The following INHBA variants were observed in gnomAD, a reference collection of about 807,000 sequenced individuals.
INHBA encodes inhibin subunit beta A, also known as inhibin beta A chain.
Under a neutral mutation model 29.0 loss-of-function variants are expected in INHBA, and 1 was observed. That is an observed-to-expected ratio of 0.03 (90% CI 0.01 to 0.16). The LOEUF (loss-of-function observed/expected upper bound fraction) is 0.16. INHBA is among the 10% of genes least tolerant of loss of function. INHBA has a pLI of 1.00. For synonymous variants in INHBA, 242 were observed against 216.8 expected (o/e 1.12, Z -1.02); for missense variants, 376 against 545.4 (o/e 0.69, Z 3.09).
intron 2 of INHBA, among the ~76,000 whole-genome samples, chr7:41,697,143 A>G (rs1794667319): frequency 6.6e-6 from 1 of 152,190 alleles, no homozygotes; most frequent in African/African-American, 2.4e-5. Context: ...ATTTATAGTG[A>G]TAGCTTGGCT....
upstream of INHBA, among the ~76,000 whole-genome samples, chr7:41,704,089 G>A (rs544967613): frequency 3.0e-4 from 46 of 152,134 alleles, no homozygotes; most frequent in Non-Finnish European, 5.3e-4. Context: ...GCAAAATTGG[G>A]AGCTAATGAG....
chr7:41,685,873 A>C lies in INHBA; in HGVS notation c.*3777T>G, dbSNP rs1157592908. On this transcript the variant is annotated 3_prime_UTR_variant, in exon 3 of 3. Transcript: ENST00000242208. ...ACCCCCAAACCTTCTGCCCACATCT[A>C]CAAGTTTTATTTATTTTGTGGGTTT... The C allele has an allele frequency of 3.3e-5, 5 of 152,232 alleles. No individual in the cohort carries two copies. In the East Asian group the frequency reaches 9.6e-4, roughly 29 times the overall value. 9.4% of individuals were successfully genotyped at this position (152,232 alleles called of 1,614,324 possible).
At position 41,689,881 on chromosome 7, in the gene INHBA, G is replaced by A. The variant is rs1562565534; in HGVS notation, c.1050C>T (p.Cys350=). 6 of 1,613,972 alleles carry A rather than the reference G, an allele frequency of 3.7e-6. No homozygotes were observed. The highest frequency in any genetic ancestry group is 3.4e-6 in the Non-Finnish European group (4 of 1,180,010). Residue 350 remains cysteine (C), a synonymous_variant, in exon 3 of 3, where the codon TGC becomes TGT. Transcript: ENST00000242208. The part of the protein sequence containing the change: ...IAPSGYHANY[C]EGECPSHIAG... ...CTATATGGCTCGGGCACTCACCCTC[G>A]CAGTAGTTGGCATGATAGCCAGAGG...
In INHBA at chr7:41,689,102, CTGTGTGTGTGTGTG is replaced by C. The variant is rs56919042; in HGVS notation, c.*534_*547del. 4.0e-5 allele frequency: 9 copies of C among 224,840 alleles called. No individual in the cohort carries two copies. The highest frequency in any genetic ancestry group is 1.9e-4 in the South Asian group (1 of 5,148). The allele number at this position is 224,840 out of a possible 1,614,324, so 13.9% of individuals were successfully genotyped here. The stretch of plus-strand genomic sequence containing the variant: ...GTATATATGTAATGTGTGGAAATGC[CTGTGTGTGTGTGTG>C]TGTGTGTGTGTGTGTGTGTGTATGC... On this transcript the variant is annotated 3_prime_UTR_variant, in exon 3 of 3. Transcript: ENST00000242208.
In INHBA at chr7:41,697,462, T is replaced by C. The variant is rs1466395145; in HGVS notation, c.388+2525A>G. The stretch of plus-strand genomic sequence containing the variant: ...AGCACTTCAGCTTTTGGAGGCTCTC[T>C]ACTTCTGTAGCCAGGCCTTGGCTTT... On this transcript the variant is annotated intron_variant, in intron 2 of 2. Transcript: ENST00000242208. Among the ~76,000 whole-genome samples, 12 of 152,170 alleles carry C rather than the reference T, an allele frequency of 7.9e-5. No homozygotes were observed. The East Asian group carries it at 1.2e-3, about 15-fold the overall frequency.
intron 2 of INHBA, among the ~76,000 whole-genome samples, chr7:41,690,858 C>G (rs960139129): frequency 6.6e-5 from 10 of 152,230 alleles, no homozygotes; most frequent in African/African-American, 2.2e-4. Context: ...CTGCCTATGG[C>G]TGTTTTTGCA....
Position 41,686,451 on chromosome 7 carries a change from A to G in INHBA, c.*3199T>C, listed in dbSNP as rs1794395213. On this transcript the variant is annotated 3_prime_UTR_variant, in exon 3 of 3. Transcript: ENST00000242208. ...CTAAGAATCCCATATGTTATAATTT[A>G]AAGCCTTTACTTTTGGCCTCATGCT... is the stretch of plus-strand genomic sequence containing the variant. 6.6e-6 allele frequency: 1 copy of G among 152,144 alleles called. No homozygotes were observed. Among genetic ancestry groups the G allele is most frequent in the South Asian group, 2.1e-4 (1 of 4,836 alleles). The allele number at this position is 152,144 out of a possible 1,614,324, so 9.4% of individuals were successfully genotyped here.
At position 41,686,045 on chromosome 7, in the gene INHBA, CT is replaced by C. The variant is rs1312004335; in HGVS notation, c.*3604del. 2.0e-5 allele frequency: 3 copies of C among 151,756 alleles called. No homozygotes were observed. Among genetic ancestry groups the C allele is most frequent in the Non-Finnish European group, 4.4e-5 (3 of 67,924 alleles). 9.4% of individuals were successfully genotyped at this position (151,756 alleles called of 1,614,324 possible). ...GTTCTCTGTTTTTTTAGAGTCACCT[CT>C]TAAAGTCCAATCCCACAATGGTGAA... On this transcript the variant is annotated 3_prime_UTR_variant, in exon 3 of 3. Coordinates refer to ENST00000242208, the MANE Select transcript of INHBA (RefSeq NM_002192.4).
chr7:41,692,591 T>C (rs1794547439), intron 2 of INHBA: 1 of 152,398 alleles, frequency 6.6e-6, no homozygotes, highest in Non-Finnish European at 1.5e-5. Context: ...CTTACGAGGA[T>C]GCTGGCCATG....
chr7:41,699,832 G>A (rs1436644362), intron 2 of INHBA, among the ~76,000 whole-genome samples, 155 bp downstream of exon 2: 1 of 151,684 alleles, frequency 6.6e-6, no homozygotes, highest in African/African-American at 2.4e-5. Flanking sequence ...CCTGCCCTCC[G>A]TCGGCTAGTC....
chr7:41,702,506 A>T (rs1583602437), intron 1 of INHBA, among the ~76,000 whole-genome samples: 1 of 152,182 alleles, frequency 6.6e-6, no homozygotes, highest in Non-Finnish European at 1.5e-5. Flanking sequence ...TTGTGTTACA[A>T]TGGTTTTATA....
At chr7:41,700,879 A>AGAGAGAGAGAGAGAGAGAGAC (rs1274783748) in intron 1 of INHBA, among the ~76,000 whole-genome samples, 1 of 70,698 alleles carries the variant, frequency 1.4e-5, no homozygotes, top group African/African-American at 5.3e-5. Flanking sequence ...GAGAGAGAGA[A>AGAGAGAGAGAGAGAGAGAGAC]AGGATTGGCC....
chr7:41,687,241 G>T lies in INHBA; in HGVS notation c.*2409C>A, dbSNP rs1488350000. The T allele has an allele frequency of 6.6e-6, 1 of 152,128 alleles. No homozygotes were observed. Among genetic ancestry groups the T allele is most frequent in the Non-Finnish European group, 1.5e-5 (1 of 68,012 alleles). The allele number at this position is 152,128 out of a possible 1,614,324, so 9.4% of individuals were successfully genotyped here. A position where few individuals can be genotyped will look rare whatever the true frequency, so the allele number is the denominator to read the frequency against. The stretch of plus-strand genomic sequence containing the variant: ...TTCAAGGAGAGCTAAACCACCTTTT[G>T]TAATGTTTGGTTTCTCACTGTTATC... On this transcript the variant is annotated 3_prime_UTR_variant, in exon 3 of 3. Coordinates refer to ENST00000242208, the MANE Select transcript of INHBA (RefSeq NM_002192.4).
At chr7:41,695,367 G>A (rs1054648521) in intron 2 of INHBA, among the ~76,000 whole-genome samples, 5 of 152,168 alleles carry the variant, frequency 3.3e-5, no homozygotes. Context: ...ATTTCACTGT[G>A]CCTAGATATG....
intron 2 of INHBA, among the ~76,000 whole-genome samples, chr7:41,694,849 C>T (rs60260757): frequency 0.022 from 3,308 of 152,222 alleles, 130 homozygotes; most frequent in African/African-American, 0.076. Flanking sequence ...AATTTTGTAC[C>T]TCACAGGGAA....
At chr7:41,696,135 GA>G (rs1373293817) in intron 2 of INHBA, among the ~76,000 whole-genome samples, 1 of 152,142 alleles carries the variant, frequency 6.6e-6, no homozygotes, top group East Asian at 1.9e-4. Flanking sequence ...ATTACAGAAA[GA>G]ACCTTTTTCC....
intron 2 of INHBA, among the ~76,000 whole-genome samples, chr7:41,693,144 G>A (rs1462454059): frequency 6.6e-6 from 1 of 152,236 alleles, no homozygotes; most frequent in African/African-American, 2.4e-5. Flanking sequence ...CAGACAGATA[G>A]TAGCTGCTAA....
At position 41,700,430 on chromosome 7, in the gene INHBA, C is replaced by A. The variant is rs552665722; in HGVS notation, c.-56G>T. The A allele has an allele frequency of 3.0e-6, 4 of 1,354,600 alleles. No homozygotes were observed. Among genetic ancestry groups the A allele is most frequent in the East Asian group, 5.1e-5 (2 of 39,432 alleles). The allele number at this position is 1,354,600 out of a possible 1,614,324, so 83.9% of individuals were successfully genotyped here. On this transcript the variant is annotated 5_prime_UTR_variant, in exon 2 of 3. Coordinates refer to ENST00000242208, the MANE Select transcript of INHBA (RefSeq NM_002192.4). ...TTTAAAAGGCCCTGCTTTTCCTCCC[C>A]CCTCACGCGCAGGTTTTTTTGTGTG... is the stretch of plus-strand genomic sequence containing the variant.
chr7:41,695,823 C>T (rs974072644), intron 2 of INHBA, among the ~76,000 whole-genome samples: 1 of 152,090 alleles, frequency 6.6e-6, no homozygotes, highest in Non-Finnish European at 1.5e-5. Context: ...AGGAACCAGT[C>T]GAGTACGAAG....
Sources: gnomAD v4.1 joint callset for allele counts (sites outside exome capture counted in the v4.1 genomes callset) on GRCh38, gnomAD v4.1.1 for gene constraint, MANE v1.5 for transcripts, NCBI Gene and HGNC (gene_info 2026-07-23, HGNC 2026-07-21) for gene names.